Variants in CFAP74 observed in about 807,000 individuals in gnomAD.
CFAP74 encodes cilia- and flagella-associated protein 74.
Under a neutral mutation model 188.9 loss-of-function variants are expected in CFAP74, and 124 were observed. The ratio of observed to expected loss-of-function variants is 0.66; its 90% CI spans 0.57 to 0.76. The LOEUF (loss-of-function observed/expected upper bound fraction) is 0.76. Ranked by LOEUF, CFAP74 falls within the 30% of genes least tolerant of loss-of-function variation. The probability of loss-of-function intolerance (pLI) is 0.00; values close to 1 mark genes in which losing one functional copy is unlikely to be tolerated. For missense variants in CFAP74, 2,198 were observed against 2,165.2 expected (o/e 1.02, Z -0.30); for synonymous variants, 956 against 916.7 (o/e 1.04, Z -0.77).
chr1:2,001,959 G>A (rs913987525), intron 1 of CFAP74, among the ~76,000 whole-genome samples: 6 of 152,234 alleles, frequency 3.9e-5, no homozygotes. Flanking sequence ...GAATAAAGAG[G>A]TATGTGAGAA....
chr1:1,966,326 G>A lies in CFAP74; in HGVS notation c.1401+45C>T, dbSNP rs189112774. On this transcript the variant is annotated intron_variant, in intron 12 of 38. Transcript: ENST00000682832. The stretch of plus-strand genomic sequence containing the variant: ...GGGAGGTGGCGAGCCGGCGACAGAG[G>A]GCCGGGGTCCGTCTGCAAGCGTCTA... 2.8e-6 allele frequency: 4 copies of A among 1,441,506 alleles called. No individual in the cohort carries two copies. The East Asian group carries it at 7.9e-5, about 29-fold the overall frequency. 89.3% of individuals were successfully genotyped at this position (1,441,506 alleles called of 1,614,324 possible).
At position 1,959,996 on chromosome 1, in the gene CFAP74, A is replaced by G. The variant is rs755640895; in HGVS notation, c.1729T>C (p.Ser577Pro). The G allele has an allele frequency of 8.8e-6, 14 of 1,596,272 alleles. No homozygotes were observed. Among genetic ancestry groups the G allele is most frequent in the Admixed American group, 1.7e-5 (1 of 57,170 alleles). ...TTGAAGGTGACAAGCACTTCACAGG[A>G]CATTCCGGCTGACAGGGGGCCAGGG... ...DPPGPLSAGM[S>P]CEVLVTFKPM... Residue 577 changes from serine (S) to proline (P), a missense_variant, in exon 15 of 39, where the codon TCC (serine) becomes CCC (proline). By Grantham distance (74) the Ser-to-Pro change is moderately conservative (BLOSUM62 -1). Transcript: ENST00000682832.
In CFAP74 at chr1:1,923,004, G is replaced by A. The variant is rs1191786357; in HGVS notation, c.4664C>T (p.Thr1555Ile). Residue 1555 changes from threonine (T) to isoleucine (I), a missense_variant, in exon 37 of 39, where the codon ACC (threonine) becomes ATC (isoleucine). By Grantham distance (89) the Thr-to-Ile change is moderately conservative. Transcript: ENST00000682832. This position sits in a 1 kb window ranked among gnomAD's most constrained non-coding sequence, Gnocchi z 6.3. ...RELQVGCIRT[T>I]QPSPKKTVEF... ...GGGCACCTTCTTTGGAGATGGCTGG[G>A]TGGTCCGGATACAGCCCACCTGCAG... The A allele has an allele frequency of 1.3e-6, 2 of 1,587,936 alleles. No homozygotes were observed. Among genetic ancestry groups the A allele is most frequent in the South Asian group, 1.1e-5 (1 of 87,686 alleles).
chr1:1,970,941 G>A, intron 9 of CFAP74, 125 bp from the exon 10 acceptor site: 2 of 1,108,774 alleles, frequency 1.8e-6, no homozygotes, highest in Non-Finnish European at 2.6e-6. Context: ...ACACACACAT[G>A]CACACCTGCA....
intron 26 of CFAP74, among the ~76,000 whole-genome samples, chr1:1,929,159 G>A (rs1652158750): frequency 6.6e-6 from 1 of 150,976 alleles, no homozygotes; most frequent in African/African-American, 2.4e-5. Context: ...GGCCGGGACT[G>A]GGTCCCCTGT....
chr1:1,983,689 A>G lies in CFAP74; in HGVS notation c.500+1697T>C, dbSNP rs142276273. 3 of 152,316 alleles carry G rather than the reference A, an allele frequency of 2.0e-5. No homozygotes were observed. In the East Asian group the frequency reaches 5.8e-4, roughly 29 times the overall value. 9.4% of individuals were successfully genotyped at this position (152,316 alleles called of 1,614,324 possible). A position where few individuals can be genotyped will look rare whatever the true frequency, so the allele number is the denominator to read the frequency against. On this transcript the variant is annotated intron_variant, in intron 6 of 38. Transcript: ENST00000682832. ...CGGAATTGTTTCAAAATAAAACTTTATTTATTTATTTATTTTTGAGACGGA... is the reference window on the plus strand; with the variant it reads ...CGGAATTGTTTCAAAATAAAACTTTGTTTATTTATTTATTTTTGAGACGGA...
Position 1,985,388 on chromosome 1 carries a change from G to A in CFAP74, c.498C>T (p.Ser166=), listed in dbSNP as rs531877711. 2.9e-5 allele frequency: 47 copies of A among 1,613,258 alleles called. No homozygotes were observed. Among genetic ancestry groups the A allele is most frequent in the East Asian group, 4.5e-5 (2 of 44,882 alleles). Residue 166 remains serine, a splice_region_variant and synonymous_variant, in exon 6 of 39, where the codon AGC becomes AGT. Coordinates refer to ENST00000682832, the MANE Select transcript of CFAP74 (RefSeq NM_001304360.2). ...GTCCCGGCTGCACACCGACTCACTC[G>A]CTCTCCTTCAGCACGGCCTCAGTCC... is the stretch of plus-strand genomic sequence containing the variant. ...QSRTEAVLKE[S]ENTMWHIEIQ...
At chr1:1,931,004 G>T (rs1329729545) in intron 25 of CFAP74, among the ~76,000 whole-genome samples, 1 of 152,010 alleles carries the variant, frequency 6.6e-6, no homozygotes, top group Non-Finnish European at 1.5e-5. Context: ...TGTCCTAATT[G>T]TATATATTTT....
chr1:1,926,704 C>T lies in CFAP74; in HGVS notation c.3720G>A (p.Val1240=). ...TGGTCTTGCCTTTATGGGACGTCACCACAACAGATGGTGCCACCGTCGGGC... is the reference window on the plus strand; with the variant it reads ...TGGTCTTGCCTTTATGGGACGTCACTACAACAGATGGTGCCACCGTCGGGC... ...LWCPTVAPSV[V]VTSHKGKTIF... Residue 1240 remains valine (V), a synonymous_variant, in exon 30 of 39, where the codon GTG becomes GTA. Transcript: ENST00000682832. 6.5e-7 allele frequency: 1 copy of T among 1,550,134 alleles called. No homozygotes were observed. The highest frequency in any genetic ancestry group is 8.7e-7 in the Non-Finnish European group (1 of 1,146,852).
intron 33 of CFAP74, among the ~76,000 whole-genome samples, chr1:1,925,022 GAAGGCATGAGGGCACACACTGGTCCA>G (rs1651751896): frequency 3.4e-5 from 5 of 148,430 alleles, no homozygotes; most frequent in Admixed American, 1.3e-4. Flanking sequence ...ACGCTGGTGT[GAAGGCATGAGGGCACACACTGGTCCA>G]AAGGCATGAG....
In CFAP74 at chr1:1,975,683, G is replaced by A; in HGVS notation, c.501-1485C>T. Among the ~76,000 whole-genome samples, 1 of 152,174 alleles carries A rather than the reference G, an allele frequency of 6.6e-6. No homozygotes were observed. The highest frequency in any genetic ancestry group is 1.5e-5 in the Non-Finnish European group (1 of 68,030). On this transcript the variant is annotated intron_variant, in intron 6 of 38. Coordinates refer to ENST00000682832, the MANE Select transcript of CFAP74 (RefSeq NM_001304360.2). This position sits in a 1 kb window ranked among gnomAD's most constrained non-coding sequence, Gnocchi z 4.5. Reference sequence around the variant, plus strand: ...CGTTCATTGCTCCCCAAGTCTGGGGGACTCCGCGGAGCTTCCACGGGCGGG... The same window carrying A: ...CGTTCATTGCTCCCCAAGTCTGGGGAACTCCGCGGAGCTTCCACGGGCGGG...
At chr1:1,946,574 A>G in intron 19 of CFAP74, 135 bp from the exon 20 acceptor site, 1 of 1,132,506 alleles carries the variant, frequency 8.8e-7, no homozygotes, top group Non-Finnish European at 1.2e-6. Flanking sequence ...ACTTGGCCAC[A>G]GATGTCCTGG....
At chr1:1,933,730 CTT>C (rs1166472402) in intron 25 of CFAP74, among the ~76,000 whole-genome samples, 1 of 152,100 alleles carries the variant, frequency 6.6e-6, no homozygotes, top group Non-Finnish European at 1.5e-5. Flanking sequence ...ACAAGAAAGA[CTT>C]TTAGTTTGTT....
intron 15 of CFAP74, 39 bp from the exon 16 acceptor site, chr1:1,959,248 C>G: frequency 7.4e-7 from 1 of 1,352,882 alleles, no homozygotes; most frequent in Non-Finnish European, 1.0e-6. Flanking sequence ...TACACTTCTG[C>G]AACTTTTGTG....
chr1:1,926,667 C>T lies in CFAP74; in HGVS notation c.3757G>A (p.Gly1253Ser), dbSNP rs1022784576. The T allele has an allele frequency of 2.6e-5, 40 of 1,550,050 alleles. No individual in the cohort carries two copies. The highest frequency in any genetic ancestry group is 2.0e-4 in the South Asian group (17 of 84,054). Residue 1253 changes from glycine (G) to serine (S), a missense_variant, in exon 30 of 39, where the codon GGC becomes AGC. Transcript: ENST00000682832. ...AGCGTCTCACCCACAGCGACGTCGC[C>T]GAAGTTAAAGATGGTCTTGCCTTTA... Reference protein sequence around the residue: ...SHKGKTIFNFGDVAVGHRSIK... With the variant: ...SHKGKTIFNFSDVAVGHRSIK...
In CFAP74 at chr1:1,966,503, G is replaced by A. The variant is rs772756874; in HGVS notation, c.1269C>T (p.Pro423=). 53 of 1,579,214 alleles carry A rather than the reference G, an allele frequency of 3.4e-5. No individual in the cohort carries two copies. The highest frequency in any genetic ancestry group is 1.4e-4 in the South Asian group (12 of 87,572). ...CGACTTCCAGCAACCGAGAGGGCCC[G>A]GGGCCTGCAGCAGCCTCGTAGTCCT... The part of the protein sequence containing the change: ...YTLDYEAAAG[P]GPSRLLEVVS... The change falls in exon 12 of 39, where the codon CCC becomes CCT. Residue 423 remains proline (P), a synonymous_variant. Coordinates refer to ENST00000682832, the MANE Select transcript of CFAP74 (RefSeq NM_001304360.2).
intron 6 of CFAP74, among the ~76,000 whole-genome samples, chr1:1,981,316 C>T (rs541189346): frequency 3.9e-5 from 6 of 152,328 alleles, no homozygotes; most frequent in Admixed American, 2.0e-4. Context: ...ACCTTGACTG[C>T]GAGAGGGAGG....
chr1:1,932,066 C>CAAAAAAAAAAAAAAAA (rs1214190743), intron 25 of CFAP74, among the ~76,000 whole-genome samples: 1 of 49,422 alleles, frequency 2.0e-5, no homozygotes, highest in African/African-American at 9.1e-5. Context: ...ACTCTCGCCT[C>CAAAAAAAAAAAAAAAA]AAAAAAAAAA....
intron 6 of CFAP74, among the ~76,000 whole-genome samples, chr1:1,983,131 G>A (rs528755439): frequency 1.2e-4 from 18 of 152,192 alleles, no homozygotes; most frequent in South Asian, 2.1e-4. Context: ...CACGGAGAGC[G>A]ATCACGGAGG....
Sources: gnomAD v4.1 joint callset for allele counts (sites outside exome capture counted in the v4.1 genomes callset) on GRCh38, gnomAD v4.1.1 for gene constraint, Gnocchi (gnomAD v3.1) non-coding constraint, MANE v1.5 for transcripts, NCBI Gene and HGNC (gene_info 2026-07-23, HGNC 2026-07-21) for gene names.